The following GRIP2 variants were observed in gnomAD, a reference collection of about 807,000 sequenced individuals.
The protein encoded by GRIP2 is glutamate receptor interacting protein 2.
In GRIP2, 58 loss-of-function variants were observed where a neutral mutation model predicts 108.3. That is an observed-to-expected ratio of 0.54 (90% CI 0.43 to 0.67). GRIP2 has a LOEUF of 0.67. GRIP2 is among the 30% of genes least tolerant of loss of function. The pLI, the probability that GRIP2 is intolerant of heterozygous loss-of-function variation, is 0.00. For missense variants in GRIP2, 1,278 were observed against 1,430.6 expected (o/e 0.89, Z 1.72); for synonymous variants, 586 against 598.2 (o/e 0.98, Z 0.30).
At chr3:14,495,154 A>T (rs1574985266) in intron 22 of GRIP2, among the ~76,000 whole-genome samples, 165 bp from the exon 23 acceptor site, 1 of 81,568 alleles carries the variant, frequency 1.2e-5, no homozygotes, top group East Asian at 3.3e-4. Flanking sequence ...CACCCCCGCC[A>T]CCCCGCTCCC....
In GRIP2 at chr3:14,525,782, T is replaced by C. The variant is rs1575017280; in HGVS notation, c.121+69A>G. The C allele has an allele frequency of 2.7e-6, 4 of 1,464,860 alleles. No individual in the cohort carries two copies. The East Asian group carries it at 7.4e-5, about 27-fold the overall frequency. The allele number at this position is 1,464,860 out of a possible 1,614,324, so 90.7% of individuals were successfully genotyped here. ...CAAGTCAGTGGCAGAGCCGTTGCCA[T>C]CTGACCCCCACCTAGGGCTCTCTGT... On this transcript the variant is annotated intron_variant, in intron 2 of 23. Transcript: ENST00000621039.
In GRIP2 at chr3:14,514,406, C is replaced by G; in HGVS notation, c.1379G>C (p.Cys460Ser). The change falls in exon 12 of 24, where the codon TGT becomes TCT. Residue 460 changes from cysteine to serine, a missense_variant. Coordinates refer to ENST00000621039, the MANE Select transcript of GRIP2 (RefSeq NM_001080423.4). ...VHTETTEVVL[C>S]GDPLSGFGLQ... ...GCCAAAGCCGCTGAGGGGGTCTCCA[C>G]AGAGCACGACCTCCGTGGTCTCCGT... The G allele has an allele frequency of 1.3e-6, 2 of 1,574,452 alleles. No homozygotes were observed. The highest frequency in any genetic ancestry group is 2.3e-5 in the East Asian group (1 of 42,630).
At chr3:14,540,508 C>G, upstream of GRIP2, 1 of 1,244,352 alleles carries the variant, frequency 8.0e-7, no homozygotes, top group Non-Finnish European at 1.1e-6. The surrounding 1 kb of genome is among the most constrained non-coding windows in gnomAD (Gnocchi z 4.1). Flanking sequence ...AGGACAGGGT[C>G]CAACATGCCC....
intron 21 of GRIP2, among the ~76,000 whole-genome samples, chr3:14,501,686 G>A (rs1264459895): frequency 6.6e-6 from 1 of 152,158 alleles, no homozygotes; most frequent in Non-Finnish European, 1.5e-5. Context: ...TATGGGTGGT[G>A]GGAATGTTGT....
In GRIP2 at chr3:14,505,576, T is replaced by C. The variant is rs1391722975; in HGVS notation, c.2573+39A>G. 28 of 1,589,906 alleles carry C rather than the reference T, an allele frequency of 1.8e-5. No homozygotes were observed. The highest frequency in any genetic ancestry group is 2.4e-5 in the Non-Finnish European group (28 of 1,167,706). On this transcript the variant is annotated intron_variant, in intron 20 of 23. Transcript: ENST00000621039. The surrounding 1 kb of genome is among the most constrained non-coding windows in gnomAD (Gnocchi z 4.2). ...CCCTCGCCCACCCCAGCCAAGACACTGTGACTCCCTCCTCCTTCACGGTGC... is the reference window on the plus strand; with the variant it reads ...CCCTCGCCCACCCCAGCCAAGACACCGTGACTCCCTCCTCCTTCACGGTGC...
chr3:14,506,359 G>A (rs1693927319), intron 19 of GRIP2, among the ~76,000 whole-genome samples: 1 of 152,256 alleles, frequency 6.6e-6, no homozygotes, highest in Non-Finnish European at 1.5e-5. Flanking sequence ...CATTGGCCTG[G>A]GAGGGAGCCC....
At chr3:14,495,097 A>AC in intron 22 of GRIP2, 108 bp from the exon 23 acceptor site, 1 of 1,413,610 alleles carries the variant, frequency 7.1e-7, no homozygotes, top group Non-Finnish European at 9.7e-7. Flanking sequence ...GGCCAGCCAC[A>AC]CCCCCCAGGC....
At chr3:14,533,150 G>A (rs1302456716) in intron 1 of GRIP2, among the ~76,000 whole-genome samples, 2 of 152,220 alleles carry the variant, frequency 1.3e-5, no homozygotes, top group East Asian at 3.8e-4. Flanking sequence ...TAAGTATAAT[G>A]CCTCCCATTA....
At chr3:14,545,671 T>C (rs1559354302), upstream of GRIP2, among the ~76,000 whole-genome samples, 1 of 152,114 alleles carries the variant, frequency 6.6e-6, no homozygotes, top group Non-Finnish European at 1.5e-5. Context: ...CTCTAAAATG[T>C]GGATGATGAA....
the GRIP2 span, among the ~76,000 whole-genome samples, chr3:14,595,677 C>A: frequency 1.3e-5 from 2 of 152,204 alleles, no homozygotes; most frequent in Non-Finnish European, 2.9e-5. Flanking sequence ...GGTGCTACAG[C>A]CACAGAGCAA....
At chr3:14,551,634 C>T (rs1023349820) in intron 1 of GRIP2, among the ~76,000 whole-genome samples, 2 of 152,098 alleles carry the variant, frequency 1.3e-5, no homozygotes, top group African/African-American at 2.4e-5. Flanking sequence ...ACAGAGAAGG[C>T]AGAGGACTTG....
At chr3:14,514,209 G>A (rs74558668) in intron 12 of GRIP2, 83 bp downstream of exon 12, 62,960 of 1,248,782 alleles carry the variant, frequency 0.05, 2,162 homozygotes, top group South Asian at 0.14. Context: ...AGTGAGATGC[G>A]CTTGTGAAGC....
chr3:14,514,174 G>T (rs1575005322), intron 12 of GRIP2, 118 bp downstream of exon 12: 2 of 963,748 alleles, frequency 2.1e-6, no homozygotes, highest in Non-Finnish European at 3.1e-6. Context: ...AAATGGGGCT[G>T]GTGCTGGGGC....
the GRIP2 span, among the ~76,000 whole-genome samples, chr3:14,572,630 A>AAAG: frequency 6.7e-6 from 1 of 149,600 alleles, no homozygotes; most frequent in African/African-American, 2.5e-5. Context: ...AAAAAAAAAA[A>AAAG]AAGACACAAG....
At chr3:14,532,850 G>A (rs550062247) in intron 1 of GRIP2, among the ~76,000 whole-genome samples, 2 of 152,252 alleles carry the variant, frequency 1.3e-5, no homozygotes, top group East Asian at 3.9e-4. Context: ...AGTTGAGGGC[G>A]GGGCTCAGCC....
the GRIP2 span, among the ~76,000 whole-genome samples, chr3:14,563,462 C>G: frequency 6.7e-6 from 1 of 149,778 alleles, no homozygotes; most frequent in Admixed American, 6.6e-5. Flanking sequence ...CCTTGGTGGG[C>G]GGGGGCTGGG....
Position 14,507,167 on chromosome 3 carries a change from G to A in GRIP2, c.2219-187C>T, listed in dbSNP as rs2124872640. On this transcript the variant is annotated intron_variant, in intron 18 of 23. Coordinates refer to ENST00000621039, the MANE Select transcript of GRIP2 (RefSeq NM_001080423.4). The surrounding 1 kb of genome is among the most constrained non-coding windows in gnomAD (Gnocchi z 4.6). Reference sequence around the variant, plus strand: ...AACTGAGGCTCGGGGAAGCTGAGCAGCATGCCCGAGATCACACAGTGAGCA... The same window carrying A: ...AACTGAGGCTCGGGGAAGCTGAGCAACATGCCCGAGATCACACAGTGAGCA... Among the ~76,000 whole-genome samples the A allele has an allele frequency of 6.6e-6, 1 of 152,206 alleles. No homozygotes were observed. The highest frequency in any genetic ancestry group is 1.5e-5 in the Non-Finnish European group (1 of 67,994).
intron 1 of GRIP2, among the ~76,000 whole-genome samples, chr3:14,551,958 G>T (rs997148029): frequency 1.5e-4 from 23 of 152,170 alleles, no homozygotes; most frequent in Non-Finnish European, 3.2e-4. Context: ...CACAGCAAGT[G>T]CTCAATAAAT....
At chr3:14,596,309 A>C in the GRIP2 span, among the ~76,000 whole-genome samples, 1 of 152,254 alleles carries the variant, frequency 6.6e-6, no homozygotes, top group Non-Finnish European at 1.5e-5. Flanking sequence ...GGCTAAATCC[A>C]GCTCAAAAGG....
Sources: allele counts gnomAD v4.1 joint callset (sites outside exome capture counted in the v4.1 genomes callset), GRCh38; gene constraint gnomAD v4.1.1; non-coding constraint Gnocchi (gnomAD v3.1); transcripts MANE v1.5; gene names NCBI Gene and HGNC (gene_info 2026-07-23, HGNC 2026-07-21).